NBEAL1: variants seen among roughly 807,000 people sequenced by gnomAD.
The protein encoded by NBEAL1 is neurobeachin like 1.
NBEAL1 carries 273 observed loss-of-function variants against 351.3 expected under a neutral mutation model. That is an observed-to-expected ratio of 0.78 (90% CI 0.70 to 0.86). The LOEUF is 0.86. Among genes scored for constraint, NBEAL1 ranks in the 40% least tolerant of loss-of-function variants. The probability of loss-of-function intolerance (pLI) is 0.00; values close to 1 mark genes in which losing one functional copy is unlikely to be tolerated. For missense variants in NBEAL1, 2,961 were observed against 3,201.3 expected (o/e 0.92, Z 1.81); for synonymous variants, 1,050 against 1,086.4 (o/e 0.97, Z 0.66).
At chr2:203,166,736 G>A (rs1266174615) in intron 37 of NBEAL1, among the ~76,000 whole-genome samples, 2 of 149,234 alleles carry the variant, frequency 1.3e-5, no homozygotes, top group African/African-American at 2.5e-5. Flanking sequence ...TTTTTTTTTA[G>A]TAGAGACAGG....
intron 10 of NBEAL1, among the ~76,000 whole-genome samples, chr2:203,092,579 G>T (rs1340320424): frequency 1.3e-5 from 2 of 151,796 alleles, no homozygotes; most frequent in South Asian, 2.1e-4. Flanking sequence ...ACAGAAAAAA[G>T]AATATAGGAT....
At chr2:203,148,793 A>G (rs942869047) in intron 33 of NBEAL1, among the ~76,000 whole-genome samples, 198 bp from the exon 34 acceptor site, 4 of 151,930 alleles carry the variant, frequency 2.6e-5, no homozygotes, top group African/African-American at 9.7e-5. Flanking sequence ...AAAAAATATA[A>G]ATAGATTATA....
chr2:203,130,229 T>G (rs1169756445), intron 24 of NBEAL1, 89 bp from the exon 25 acceptor site: 1 of 1,211,862 alleles, frequency 8.3e-7, no homozygotes, highest in Non-Finnish European at 1.1e-6. Context: ...TATATAGGAT[T>G]TAATTAAATA....
chr2:203,199,155 T>C lies in NBEAL1; in HGVS notation c.7129-183T>C, dbSNP rs149150528. Among the ~76,000 whole-genome samples the C allele has an allele frequency of 1.4e-3, 210 of 152,236 alleles. 1 individual carries two copies. The highest frequency in any genetic ancestry group is 4.8e-3 in the African/African-American group (200 of 41,558). On this transcript the variant is annotated intron_variant, in intron 48 of 55. Transcript: ENST00000683969. ...AAACCCTGGCTCCAAAAATAAAAGA[T>C]AAAAAAAGAGCTTTTTCTGTTTGAG...
chr2:203,101,125 T>C (rs1458344468), intron 12 of NBEAL1, among the ~76,000 whole-genome samples: 1 of 152,194 alleles, frequency 6.6e-6, no homozygotes, highest in African/African-American at 2.4e-5. Context: ...TCATGAAATC[T>C]TTGCCAGGTC....
chr2:203,216,083 C>T (rs2065891591), intron 55 of NBEAL1, among the ~76,000 whole-genome samples: 1 of 150,992 alleles, frequency 6.6e-6, no homozygotes, highest in Non-Finnish European at 1.5e-5. Context: ...TTGCAACAAA[C>T]CATAGGGGAT....
chr2:203,154,231 G>A lies in NBEAL1; in HGVS notation c.5587+2642G>A, dbSNP rs1482667692. On this transcript the variant is annotated intron_variant, in intron 35 of 55. Coordinates refer to ENST00000683969, the MANE Select transcript of NBEAL1 (RefSeq NM_001378026.1). ...AGCCTGGGCGACAGAGCCAGACCCC[G>A]TCTCAAAAAAAAAAAAAAAAATTAC... Among the ~76,000 whole-genome samples, 16 of 134,468 alleles carry A rather than the reference G, an allele frequency of 1.2e-4. No individual in the cohort carries two copies. The East Asian group carries it at 2.7e-3, about 23-fold the overall frequency. The allele number at this position is 134,468 out of a possible 152,430, so 88.2% of individuals were successfully genotyped here. A position where few individuals can be genotyped will look rare whatever the true frequency, so the allele number is the denominator to read the frequency against.
At chr2:203,121,543 T>G (rs1196108046) in intron 18 of NBEAL1, among the ~76,000 whole-genome samples, 1 of 151,504 alleles carries the variant, frequency 6.6e-6, no homozygotes, top group Admixed American at 6.6e-5. Flanking sequence ...TCTCAGCTAC[T>G]TGGGAGGCTG....
chr2:203,040,384 A>G, intron 2 of NBEAL1: 2 of 714,420 alleles, frequency 2.8e-6, no homozygotes, highest in South Asian at 3.0e-5. Flanking sequence ...TGTTGTACAC[A>G]TCAAAAGGAT....
chr2:203,133,048 C>G lies in NBEAL1; in HGVS notation c.3725-10C>G. On this transcript the variant is annotated splice_polypyrimidine_tract_variant and intron_variant, in intron 26 of 55. Coordinates refer to ENST00000683969, the MANE Select transcript of NBEAL1 (RefSeq NM_001378026.1). ...TATTTAATTTTAACTTTTTGTTTTT[C>G]CTACCATAGATCCTGTTATTAATTT... 1.5e-6 allele frequency: 2 copies of G among 1,323,978 alleles called. No homozygotes were observed. The highest frequency in any genetic ancestry group is 2.1e-6 in the Non-Finnish European group (2 of 961,548). 82.0% of individuals were successfully genotyped at this position (1,323,978 alleles called of 1,614,324 possible). A position where few individuals can be genotyped will look rare whatever the true frequency, so the allele number is the denominator to read the frequency against.
At position 203,157,699 on chromosome 2, in the gene NBEAL1, G is replaced by T. The variant is rs1438420594; in HGVS notation, c.5588G>T (p.Gly1863Val). The change falls in exon 36 of 56, where the codon GGT becomes GTT. Residue 1863 changes from glycine to valine, a missense_variant and splice_region_variant. Transcript: ENST00000683969. The part of the protein sequence containing the change: ...EEASALRDNL[G>V]IQHSQPSSDT... ...AATAGATATTTTGTGTTTAAAACAG[G>T]TATCCAACACTCACAGCCTTCCAGT... is the stretch of plus-strand genomic sequence containing the variant. 2 of 1,570,228 alleles carry T rather than the reference G, an allele frequency of 1.3e-6. No homozygotes were observed. Among genetic ancestry groups the T allele is most frequent in the Non-Finnish European group, 1.7e-6 (2 of 1,164,426 alleles).
intron 18 of NBEAL1, 115 bp downstream of exon 18, chr2:203,116,185 C>T: frequency 1.4e-6 from 1 of 728,968 alleles, no homozygotes; most frequent in Non-Finnish European, 2.3e-6. Flanking sequence ...TTTGAATTGC[C>T]ATCAAAATAA....
chr2:203,089,291 G>A (rs1468740530), intron 10 of NBEAL1, among the ~76,000 whole-genome samples: 1 of 151,586 alleles, frequency 6.6e-6, no homozygotes, highest in Non-Finnish European at 1.5e-5. Flanking sequence ...CCTCAGAGAC[G>A]GAGGTTGCAG....
At chr2:203,126,211 A>G in intron 21 of NBEAL1, 118 bp downstream of exon 21, 6 of 1,064,050 alleles carry the variant, frequency 5.6e-6, no homozygotes, top group East Asian at 2.8e-5. Flanking sequence ...AATTATATTA[A>G]TGGATATAAT....
chr2:203,021,046 C>T (rs2060763276), intron 2 of NBEAL1, among the ~76,000 whole-genome samples: 1 of 152,164 alleles, frequency 6.6e-6, no homozygotes, highest in Admixed American at 6.5e-5. Context: ...CTCCCTCAGC[C>T]TCCCGAGTAG....
At chr2:203,123,457 C>T (rs1298064729) in intron 19 of NBEAL1, among the ~76,000 whole-genome samples, 2 of 151,692 alleles carry the variant, frequency 1.3e-5, no homozygotes, top group African/African-American at 2.4e-5. Flanking sequence ...CTCAGCCTTC[C>T]AAGTAGCTGG....
intron 18 of NBEAL1, among the ~76,000 whole-genome samples, chr2:203,116,836 T>C (rs2106258029): frequency 6.7e-6 from 1 of 149,520 alleles, no homozygotes; most frequent in East Asian, 2.0e-4. Flanking sequence ...TGGCTGTGGC[T>C]CTTGCCTGTA....
intron 43 of NBEAL1, chr2:203,181,133 T>C (rs551315009): frequency 6.6e-6 from 1 of 151,818 alleles, no homozygotes; most frequent in Non-Finnish European, 1.5e-5. Flanking sequence ...GGTCTCACTT[T>C]GTTGTCCAGG....
intron 48 of NBEAL1, among the ~76,000 whole-genome samples, chr2:203,197,845 G>A (rs1447978339): frequency 6.6e-6 from 1 of 152,018 alleles, no homozygotes; most frequent in Non-Finnish European, 1.5e-5. Context: ...GGAGGTGGAG[G>A]TTGCAGTGAG....
Sources: allele counts gnomAD v4.1 joint callset (sites outside exome capture counted in the v4.1 genomes callset), GRCh38; gene constraint gnomAD v4.1.1; transcripts MANE v1.5; gene names NCBI Gene and HGNC (gene_info 2026-07-23, HGNC 2026-07-21).